KCNN2: variants seen among roughly 807,000 people sequenced by gnomAD.
KCNN2 encodes potassium calcium-activated channel subfamily N member 2, also known as small conductance calcium-activated potassium channel protein 2.
KCNN2 carries 24 observed loss-of-function variants against 55.5 expected under a neutral mutation model. That is an observed-to-expected ratio of 0.43 (90% CI 0.31 to 0.61). The LOEUF is 0.61. Among genes scored for constraint, KCNN2 ranks in the 20% least tolerant of loss-of-function variants. The probability of loss-of-function intolerance (pLI) is 0.08; values close to 1 mark genes in which losing one functional copy is unlikely to be tolerated. For missense variants in KCNN2, 754 were observed against 853.6 expected (o/e 0.88, Z 1.45); for synonymous variants, 431 against 336.1 (o/e 1.28, Z -3.09).
intron 2 of KCNN2, among the ~76,000 whole-genome samples, chr5:114,267,336 G>C (rs559515575): frequency 6.6e-6 from 1 of 152,122 alleles, no homozygotes; most frequent in South Asian, 2.1e-4. Context: ...AGGCTTTTTC[G>C]TGTGAGCATC....
At chr5:114,358,795 C>T (rs1757347849), upstream of KCNN2, among the ~76,000 whole-genome samples, 1 of 152,094 alleles carries the variant, frequency 6.6e-6, no homozygotes, top group Admixed American at 6.5e-5. Flanking sequence ...TTACATGTTA[C>T]ATGTATCTCT....
intron 1 of KCNN2, among the ~76,000 whole-genome samples, chr5:114,150,234 C>G (rs1312939502): frequency 2.0e-5 from 3 of 152,110 alleles, no homozygotes; most frequent in Admixed American, 6.5e-5. Context: ...CCCTACATAC[C>G]TGACTTCAAA....
chr5:114,387,118 G>A (rs1444010362), intron 2 of KCNN2, among the ~76,000 whole-genome samples: 1 of 152,124 alleles, frequency 6.6e-6, no homozygotes, highest in Admixed American at 6.6e-5. Flanking sequence ...ATACAGCATT[G>A]AAAAAGAATA....
chr5:114,142,861 A>G (rs1752314551), intron 1 of KCNN2, among the ~76,000 whole-genome samples: 1 of 152,172 alleles, frequency 6.6e-6, no homozygotes. Flanking sequence ...ATTGTAAAAA[A>G]CTACTTTAAA....
At chr5:114,304,458 A>T (rs1756229389) in intron 2 of KCNN2, among the ~76,000 whole-genome samples, 1 of 152,184 alleles carries the variant, frequency 6.6e-6, no homozygotes, top group South Asian at 2.1e-4. Flanking sequence ...GGCGAATCTT[A>T]TAATATCCAG....
intron 1 of KCNN2, among the ~76,000 whole-genome samples, chr5:114,160,857 G>A (rs577140512): frequency 6.6e-6 from 1 of 152,018 alleles, no homozygotes; most frequent in Non-Finnish European, 1.5e-5. Context: ...CATTTGCTTG[G>A]TGGATCTTCC....
intron 4 of KCNN2, 139 bp downstream of exon 4, chr5:114,463,329 T>G (rs938235536): frequency 1.6e-6 from 1 of 620,554 alleles, no homozygotes; most frequent in African/African-American, 1.9e-5. Context: ...CAATTTTGTG[T>G]TGAGAGAGAA....
intron 1 of KCNN2, among the ~76,000 whole-genome samples, chr5:114,078,610 A>G (rs1479846252): frequency 6.6e-6 from 1 of 152,200 alleles, no homozygotes; most frequent in Non-Finnish European, 1.5e-5. Context: ...GATTTCATAG[A>G]AGAGAAAGTA....
intron 1 of KCNN2, among the ~76,000 whole-genome samples, chr5:114,063,075 A>G (rs907903790): frequency 2.0e-5 from 3 of 152,166 alleles, no homozygotes; most frequent in Non-Finnish European, 4.4e-5. Flanking sequence ...GCTCACTTGT[A>G]TTGACAGTTT....
rs539764395 is a variant in KCNN2 at position 114,471,593 on chromosome 5, T to A, written c.1780-1461T>A. On this transcript the variant is annotated intron_variant, in intron 4 of 7. Transcript: ENST00000673685. ...AAAAATATCAATGCTAATCAAAGTT[T>A]ATAACTGAATAATCATTTACTCTGC... Among the ~76,000 whole-genome samples the A allele has an allele frequency of 2.6e-5, 4 of 152,312 alleles. No homozygotes were observed. In the South Asian group the frequency reaches 8.3e-4, roughly 32 times the overall value.
exon 1 of KCNN2, chr5:114,056,305 C>A: frequency 2.5e-6 from 1 of 398,544 alleles, no homozygotes; most frequent in Non-Finnish European, 4.4e-6. Context: ...GAATTTGACG[C>A]CCGAGAGGCA....
chr5:114,363,830 T>G (rs1757523962), intron 1 of KCNN2, 76 bp from the exon 2 acceptor site: 1 of 1,006,928 alleles, frequency 9.9e-7, no homozygotes, highest in Non-Finnish European at 1.6e-6. Context: ...TGTGGGGGAC[T>G]GACTGACTCT....
chr5:114,441,888 A>T (rs10061403), intron 3 of KCNN2, among the ~76,000 whole-genome samples: 2 of 152,204 alleles, frequency 1.3e-5, no homozygotes, highest in African/African-American at 4.8e-5. Flanking sequence ...CAGAATTCAC[A>T]CTGAGAAAGA....
intron 2 of KCNN2, among the ~76,000 whole-genome samples, chr5:114,281,291 C>T (rs1755618425): frequency 6.6e-6 from 1 of 152,078 alleles, no homozygotes; most frequent in Non-Finnish European, 1.5e-5. Flanking sequence ...GCATCTAAAA[C>T]ATGGGATATT....
At chr5:114,081,399 C>T (rs1458346489) in intron 1 of KCNN2, among the ~76,000 whole-genome samples, 1 of 152,084 alleles carries the variant, frequency 6.6e-6, no homozygotes, top group Non-Finnish European at 1.5e-5. Flanking sequence ...TATTACAAAG[C>T]TGTAGTAATC....
At chr5:114,316,451 A>G (rs897912156) in intron 2 of KCNN2, among the ~76,000 whole-genome samples, 2 of 152,154 alleles carry the variant, frequency 1.3e-5, no homozygotes, top group Admixed American at 1.3e-4. Flanking sequence ...ATTTACAGAT[A>G]CCAACGTGTA....
chr5:114,161,816 C>G (rs140969523), intron 1 of KCNN2, among the ~76,000 whole-genome samples: 4,711 of 152,286 alleles, frequency 0.031, 257 homozygotes, highest in African/African-American at 0.11. Context: ...CTTGTGCATT[C>G]GTCACGTGGT....
intron 3 of KCNN2, among the ~76,000 whole-genome samples, chr5:114,431,050 C>G (rs577047344): frequency 2.0e-5 from 3 of 152,034 alleles, no homozygotes; most frequent in Admixed American, 6.5e-5. Flanking sequence ...GATAGTCTTA[C>G]GTCCTTATAA....
chr5:114,441,212 T>C (rs1403959328), intron 3 of KCNN2, among the ~76,000 whole-genome samples: 1 of 152,184 alleles, frequency 6.6e-6, no homozygotes. Flanking sequence ...GTGAGCAAAC[T>C]AGAGAAATTA....
Sources: allele counts gnomAD v4.1 joint callset (sites outside exome capture counted in the v4.1 genomes callset), GRCh38; gene constraint gnomAD v4.1.1; transcripts MANE v1.5; gene names NCBI Gene and HGNC (gene_info 2026-07-23, HGNC 2026-07-21).